The following OSBPL2 variants were observed in gnomAD, a reference collection of about 807,000 sequenced individuals.
OSBPL2 encodes the protein oxysterol binding protein like 2.
A neutral mutation model predicts 58.4 loss-of-function variants in OSBPL2; 18 were observed. The observed-to-expected ratio is 0.31, with a 90% CI of 0.21 to 0.46. OSBPL2 has a LOEUF of 0.46. Among genes scored for constraint, OSBPL2 ranks in the 20% least tolerant of loss-of-function variants. OSBPL2 has a pLI of 1.00. For missense variants in OSBPL2, 461 were observed against 616.5 expected (o/e 0.75, Z 2.67); for synonymous variants, 221 against 234.1 (o/e 0.94, Z 0.51).
At chr20:62,259,928 T>A (rs1282092033) in intron 2 of OSBPL2, 53 bp from the exon 3 acceptor site, 26 of 1,574,522 alleles carry the variant, frequency 1.7e-5, no homozygotes, top group Non-Finnish European at 2.2e-5. Context: ...GAGGTAGGCT[T>A]TTAAAAAATC....
intron 1 of OSBPL2, among the ~76,000 whole-genome samples, chr20:62,255,715 G>A (rs1457962517): frequency 1.3e-5 from 2 of 152,062 alleles, no homozygotes; most frequent in African/African-American, 4.8e-5. Context: ...GTGTTGGCCA[G>A]GCTGGTCCCA....
At position 62,263,787 on chromosome 20, in the gene OSBPL2, C is replaced by T. The variant is rs1444969280; in HGVS notation, c.258+96C>T. The T allele has an allele frequency of 3.6e-5, 41 of 1,126,542 alleles. 1 individual carries two copies. The highest frequency in any genetic ancestry group is 2.6e-4 in the Middle Eastern group (1 of 3,898). The allele number at this position is 1,126,542 out of a possible 1,614,324, so 69.8% of individuals were successfully genotyped here. On this transcript the variant is annotated intron_variant, in intron 4 of 13. Transcript: ENST00000313733. ...TGGTTTAAGAAAATGCGCTCTTGGC[C>T]GGGCGCGGTGGCTCACGCCTATAAT...
intron 9 of OSBPL2, among the ~76,000 whole-genome samples, chr20:62,283,347 C>T (rs1008234017): frequency 2.0e-5 from 3 of 152,280 alleles, no homozygotes; most frequent in Non-Finnish European, 4.4e-5. Context: ...GCAGTGACAC[C>T]GTCCCCTCCT....
rs1033948002 is a variant in OSBPL2 at position 62,241,175 on chromosome 20, A to AT, written c.-129+2591dup. On this transcript the variant is annotated intron_variant, in intron 1 of 13. Coordinates refer to ENST00000313733, the MANE Select transcript of OSBPL2 (RefSeq NM_144498.4). Reference sequence around the variant, plus strand: ...GAGATGCCAGCAGATGGGTCTTGGAATTTTTTTTTTTTTGAGATGGAGTCT... The same window carrying AT: ...GAGATGCCAGCAGATGGGTCTTGGAATTTTTTTTTTTTTTGAGATGGAGTCT... 4.0e-3 allele frequency among the ~76,000 whole-genome samples: 583 copies of AT among 146,768 alleles called. 1 individual carries two copies. The highest frequency in any genetic ancestry group is 0.011 in the African/African-American group (455 of 40,254).
chr20:62,246,536 A>G (rs980050150), intron 1 of OSBPL2, among the ~76,000 whole-genome samples: 1 of 152,196 alleles, frequency 6.6e-6, no homozygotes, highest in Non-Finnish European at 1.5e-5. Flanking sequence ...CGGGTGATGC[A>G]TGGGCTGAGT....
intron 1 of OSBPL2, among the ~76,000 whole-genome samples, chr20:62,240,699 C>G (rs6061461): frequency 0.57 from 86,118 of 152,152 alleles, 24,870 homozygotes; most frequent in African/African-American, 0.71. Context: ...CTGCATTACT[C>G]TGTGTCAGAA....
intron 10 of OSBPL2, chr20:62,286,104 T>TA (rs1983100767): frequency 5.8e-6 from 1 of 171,504 alleles, no homozygotes; most frequent in African/African-American, 2.4e-5. Context: ...CGTACAGTGA[T>TA]GGACAGACAG....
At chr20:62,249,106 A>G (rs926443945) in intron 1 of OSBPL2, among the ~76,000 whole-genome samples, 2 of 152,170 alleles carry the variant, frequency 1.3e-5, no homozygotes, top group African/African-American at 4.8e-5. Flanking sequence ...CACCTTTAAG[A>G]AAGTGTGCTG....
Position 62,269,237 on chromosome 20 carries a change from A to G in OSBPL2, c.259-2888A>G, listed in dbSNP as rs1981894530. Among the ~76,000 whole-genome samples the G allele has an allele frequency of 6.6e-6, 1 of 152,094 alleles. No individual in the cohort carries two copies. The highest frequency in any genetic ancestry group is 2.1e-4 in the South Asian group (1 of 4,820). On this transcript the variant is annotated intron_variant, in intron 4 of 13. Transcript: ENST00000313733. The surrounding 1 kb of genome is among the most constrained non-coding windows in gnomAD (Gnocchi z 4.2). ...TCTTTTAATGGCGCGGCGCTCCCTC[A>G]CATGGCTGCCACCTAGCTTATTGGA...
chr20:62,268,927 C>T (rs1039535172), intron 4 of OSBPL2, among the ~76,000 whole-genome samples: 2 of 152,164 alleles, frequency 1.3e-5, no homozygotes, highest in African/African-American at 4.8e-5. Flanking sequence ...TGTGGCAGTG[C>T]ATGCCTGTAA....
intron 2 of OSBPL2, among the ~76,000 whole-genome samples, chr20:62,259,741 G>C (rs556150494): frequency 1.7e-4 from 26 of 152,014 alleles, no homozygotes; most frequent in Non-Finnish European, 3.4e-4. Context: ...ACAAGCGTGG[G>C]AGGAGCCTGG....
intron 8 of OSBPL2, 109 bp downstream of exon 8, chr20:62,281,274 G>A (rs1044756474): frequency 1.1e-5 from 8 of 743,400 alleles, no homozygotes; most frequent in Non-Finnish European, 9.3e-6. Context: ...AGCCTCACGA[G>A]CTGCTGCCGT....
chr20:62,293,413 A>G (rs2145985202), intron 13 of OSBPL2, among the ~76,000 whole-genome samples: 1 of 152,130 alleles, frequency 6.6e-6, no homozygotes, highest in South Asian at 2.1e-4. Flanking sequence ...AAAAACCAAT[A>G]CTTGGTTTGC....
intron 4 of OSBPL2, chr20:62,271,811 TGGGCCCAAGAGCC>T (rs1397166770): frequency 6.7e-6 from 2 of 299,724 alleles, no homozygotes; most frequent in African/African-American, 4.4e-5. Context: ...GGGGCGCAGG[TGGGCCCAAGAGCC>T]CTTGTGGCAG....
intron 7 of OSBPL2, chr20:62,280,090 G>A (rs1601191193): frequency 1.5e-6 from 2 of 1,304,290 alleles, no homozygotes; most frequent in Non-Finnish European, 1.0e-6. Flanking sequence ...CAGACCGGAT[G>A]CTGGCGTCCT....
chr20:62,262,825 G>A (rs1981407201), intron 3 of OSBPL2, among the ~76,000 whole-genome samples: 1 of 152,216 alleles, frequency 6.6e-6, no homozygotes, highest in Admixed American at 6.5e-5. Context: ...TGGGAGTTCA[G>A]CAGGAGAGCC....
intron 9 of OSBPL2, chr20:62,282,228 T>C (rs1982841995): frequency 4.9e-6 from 1 of 204,138 alleles, no homozygotes; most frequent in Admixed American, 5.2e-5. Context: ...GGCCTTGCGT[T>C]TTCCTTCTAC....
At position 62,281,769 on chromosome 20, in the gene OSBPL2, CTG is replaced by C. The variant is rs1440418135; in HGVS notation, c.783-17_783-16del. The C allele has an allele frequency of 1.3e-6, 2 of 1,568,384 alleles. No homozygotes were observed. The highest frequency in any genetic ancestry group is 1.8e-6 in the Non-Finnish European group (2 of 1,139,540). ...CTGTTTGCTGTCTTGCAGCAGAAAC[CTG>C]TGTTTGTTTTTCTCACAGAACTGGA... On this transcript the variant is annotated intron_variant, in intron 8 of 13. Coordinates refer to ENST00000313733, the MANE Select transcript of OSBPL2 (RefSeq NM_144498.4).
Position 62,285,929 on chromosome 20 carries a change from G to A in OSBPL2, c.997-654G>A, listed in dbSNP as rs891170404. On this transcript the variant is annotated intron_variant, in intron 10 of 13. Transcript: ENST00000313733. ...TGGCCGCTGACCTTCTGTCATCTCC[G>A]TGAAGGGAAACACGCCTGGCCACTG... 18 of 149,612 alleles carry A rather than the reference G, an allele frequency of 1.2e-4. No homozygotes were observed. In the South Asian group the frequency reaches 1.4e-3, roughly 11 times the overall value. The allele number at this position is 149,612 out of a possible 1,614,324, so 9.3% of individuals were successfully genotyped here. A position where few individuals can be genotyped will look rare whatever the true frequency, so the allele number is the denominator to read the frequency against.
Sources: gnomAD v4.1 joint callset for allele counts (sites outside exome capture counted in the v4.1 genomes callset) on GRCh38, gnomAD v4.1.1 for gene constraint, Gnocchi (gnomAD v3.1) non-coding constraint, MANE v1.5 for transcripts, NCBI Gene and HGNC (gene_info 2026-07-23, HGNC 2026-07-21) for gene names.